AGPAT3: variants seen among roughly 807,000 people sequenced by gnomAD.
The protein encoded by AGPAT3 is 1-acylglycerol-3-phosphate O-acyltransferase 3.
A neutral mutation model predicts 47.3 loss-of-function variants in AGPAT3; 5 were observed. The observed-to-expected ratio is 0.11, with a 90% CI of 0.06 to 0.22. AGPAT3 has a LOEUF of 0.22. Ranked by LOEUF, AGPAT3 falls within the 10% of genes least tolerant of loss-of-function variation. The pLI is 1.00. For missense variants in AGPAT3, 315 were observed against 493.0 expected (o/e 0.64, Z 3.42); for synonymous variants, 212 against 208.3 (o/e 1.02, Z -0.15).
At chr21:43,868,459 G>T (rs551559852) in intron 1 of AGPAT3, among the ~76,000 whole-genome samples, 1 of 152,304 alleles carries the variant, frequency 6.6e-6, no homozygotes, top group East Asian at 1.9e-4. Context: ...CTGCAGCCCA[G>T]AGGCCTGTCC....
intron 3 of AGPAT3, chr21:43,967,680 G>A (rs1331209132): frequency 1.8e-5 from 8 of 437,324 alleles, no homozygotes; most frequent in African/African-American, 3.9e-5. Context: ...CGTGAGAAGC[G>A]TAATTGGGCG....
intron 2 of AGPAT3, among the ~76,000 whole-genome samples, chr21:43,923,487 A>T (rs1320140872): frequency 6.6e-6 from 1 of 152,048 alleles, no homozygotes; most frequent in Non-Finnish European, 1.5e-5. Context: ...GCGCCCTCCA[A>T]TTCCATTGAG....
At chr21:43,883,153 C>G (rs369812768) in intron 1 of AGPAT3, among the ~76,000 whole-genome samples, 102 of 152,318 alleles carry the variant, frequency 6.7e-4, no homozygotes, top group African/African-American at 2.4e-3. Flanking sequence ...GCCTGGGGAG[C>G]CTCCTGCCCG....
intron 2 of AGPAT3, among the ~76,000 whole-genome samples, chr21:43,953,976 TG>T (rs2088322194): frequency 6.6e-6 from 1 of 152,226 alleles, no homozygotes; most frequent in Non-Finnish European, 1.5e-5. Flanking sequence ...CCAGCCTGGG[TG>T]ACAGAGTGAT....
At chr21:43,885,727 T>C (rs2085960096) in intron 1 of AGPAT3, among the ~76,000 whole-genome samples, 1 of 152,172 alleles carries the variant, frequency 6.6e-6, no homozygotes, top group East Asian at 1.9e-4. Context: ...AAAGGGCCTG[T>C]TGTTTGATGA....
At chr21:43,960,387 C>T (rs1193305069) in intron 3 of AGPAT3, among the ~76,000 whole-genome samples, 1 of 152,214 alleles carries the variant, frequency 6.6e-6, no homozygotes, top group Non-Finnish European at 1.5e-5. Flanking sequence ...GACAGAGACT[C>T]AGAGGCTTGG....
chr21:43,873,567 G>A (rs866783636), intron 1 of AGPAT3, among the ~76,000 whole-genome samples: 22 of 151,950 alleles, frequency 1.4e-4, no homozygotes, highest in African/African-American at 3.9e-4. Context: ...CAGTAGAGAC[G>A]GGGTTTCACC....
At chr21:43,902,986 G>A (rs1385271543) in intron 1 of AGPAT3, among the ~76,000 whole-genome samples, 1 of 152,144 alleles carries the variant, frequency 6.6e-6, no homozygotes, top group Non-Finnish European at 1.5e-5. Flanking sequence ...GGGTAACAGA[G>A]CGAGATCCTG....
chr21:43,918,676 T>C (rs928261825), intron 2 of AGPAT3, among the ~76,000 whole-genome samples: 1 of 151,000 alleles, frequency 6.6e-6, no homozygotes, highest in Non-Finnish European at 1.5e-5. Context: ...AATCTCCGTC[T>C]CCCGGGTTCC....
chr21:43,959,340 G>A (rs866078870), intron 2 of AGPAT3, among the ~76,000 whole-genome samples: 14 of 129,426 alleles, frequency 1.1e-4, no homozygotes, highest in East Asian at 2.4e-4. Flanking sequence ...TGTGTGTGGC[G>A]TGTGTGTGGT....
intron 1 of AGPAT3, among the ~76,000 whole-genome samples, chr21:43,873,238 A>G (rs2085660284): frequency 6.6e-6 from 1 of 152,226 alleles, no homozygotes; most frequent in South Asian, 2.1e-4. Context: ...AAAATGAAAA[A>G]TAACCTCGTG....
At position 43,970,166 on chromosome 21, in the gene AGPAT3, A is replaced by G. The variant is rs2089334683; in HGVS notation, c.511-487A>G. Among the ~76,000 whole-genome samples, 1 of 145,098 alleles carries G rather than the reference A, an allele frequency of 6.9e-6. No homozygotes were observed. The highest frequency in any genetic ancestry group is 2.6e-5 in the African/African-American group (1 of 38,702). On this transcript the variant is annotated intron_variant, in intron 5 of 9. Coordinates refer to ENST00000291572, the MANE Select transcript of AGPAT3 (RefSeq NM_020132.5). This position sits in a 1 kb window ranked among gnomAD's most constrained non-coding sequence, Gnocchi z 5.8. Reference sequence around the variant, plus strand: ...GGGATTACAGGCACTCACCACCACGACTGGCTAATTTTTGTATTTTCAGTA... The same window carrying G: ...GGGATTACAGGCACTCACCACCACGGCTGGCTAATTTTTGTATTTTCAGTA...
intron 2 of AGPAT3, among the ~76,000 whole-genome samples, chr21:43,917,891 TA>T (rs2086776259): frequency 2.4e-5 from 2 of 84,306 alleles, no homozygotes; most frequent in Non-Finnish European, 4.3e-5. Flanking sequence ...GTGGGGGTTG[TA>T]GGGGTTGCGG....
intron 1 of AGPAT3, among the ~76,000 whole-genome samples, chr21:43,888,180 C>T (rs2086022362): frequency 6.6e-6 from 1 of 152,194 alleles, no homozygotes; most frequent in African/African-American, 2.4e-5. Flanking sequence ...GCTGGCACTA[C>T]AGGTGCACAC....
At position 43,952,247 on chromosome 21, in the gene AGPAT3, C is replaced by T. The variant is rs1601403492; in HGVS notation, c.-48-7387C>T. On this transcript the variant is annotated intron_variant, in intron 2 of 9. Transcript: ENST00000291572. The surrounding 1 kb of genome is among the most constrained non-coding windows in gnomAD (Gnocchi z 5.6). ...AAGGATTCCTTCTGAGGCTTCTCAC[C>T]CGGGCTCTGACTGCAGGCGGTCTCC... Among the ~76,000 whole-genome samples, 1 of 152,132 alleles carries T rather than the reference C, an allele frequency of 6.6e-6. No homozygotes were observed. The highest frequency in any genetic ancestry group is 1.9e-4 in the East Asian group (1 of 5,192).
In AGPAT3 at chr21:43,942,194, G is replaced by A. The variant is rs578185421; in HGVS notation, c.-48-17440G>A. Among the ~76,000 whole-genome samples, 95 of 152,352 alleles carry A rather than the reference G, an allele frequency of 6.2e-4. 1 individual carries two copies. The Middle Eastern group carries it at 0.01, about 16-fold the overall frequency. ...GAACCTGTGGGCTTGTGAGGTCCCTGTTGATCCTGTTTGACCTGGAGGGCC... is the reference window on the plus strand; with the variant it reads ...GAACCTGTGGGCTTGTGAGGTCCCTATTGATCCTGTTTGACCTGGAGGGCC... On this transcript the variant is annotated intron_variant, in intron 2 of 9. Transcript: ENST00000291572.
chr21:43,981,755 C>T lies in AGPAT3; in HGVS notation c.1043-549C>T, dbSNP rs1038733390. 1.3e-5 allele frequency among the ~76,000 whole-genome samples: 2 copies of T among 151,996 alleles called. No homozygotes were observed. Among genetic ancestry groups the T allele is most frequent in the African/African-American group, 2.4e-5 (1 of 41,386 alleles). On this transcript the variant is annotated intron_variant, in intron 9 of 9. Transcript: ENST00000291572. The surrounding 1 kb of genome is among the most constrained non-coding windows in gnomAD (Gnocchi z 5.3). ...CCGTGGAGACACAGTCCGTGTGCAT[C>T]GCCCCGTGAGCCGACTCCCCAGGCC...
In AGPAT3 at chr21:43,898,805, G is replaced by T. The variant is rs1187972201; in HGVS notation, c.-111-5152G>T. Among the ~76,000 whole-genome samples the T allele has an allele frequency of 2.0e-5, 3 of 152,192 alleles. No individual in the cohort carries two copies. The East Asian group carries it at 5.8e-4, about 29-fold the overall frequency. ...GCCTCCCAAAGTGCTGGTATTACAGGCGTGAGCCACCACACCCAGCCTGTG... is the reference window on the plus strand; with the variant it reads ...GCCTCCCAAAGTGCTGGTATTACAGTCGTGAGCCACCACACCCAGCCTGTG... On this transcript the variant is annotated intron_variant, in intron 1 of 9. Transcript: ENST00000291572.
chr21:43,919,246 A>G (rs904760178), intron 2 of AGPAT3, among the ~76,000 whole-genome samples: 2 of 116,656 alleles, frequency 1.7e-5, no homozygotes, highest in African/African-American at 6.8e-5. Flanking sequence ...GAATTCTGAG[A>G]TTTTAGTGCA....
Sources: gnomAD v4.1 joint callset for allele counts (sites outside exome capture counted in the v4.1 genomes callset) on GRCh38, gnomAD v4.1.1 for gene constraint, Gnocchi (gnomAD v3.1) non-coding constraint, MANE v1.5 for transcripts, NCBI Gene and HGNC (gene_info 2026-07-23, HGNC 2026-07-21) for gene names.